The following FAM135B variants were observed in gnomAD, a reference collection of about 807,000 sequenced individuals.
FAM135B encodes the protein protein FAM135B.
In FAM135B, 43 loss-of-function variants were observed where a neutral mutation model predicts 127.7. The ratio of observed to expected loss-of-function variants is 0.34; its 90% confidence interval spans 0.26 to 0.43. FAM135B has a LOEUF of 0.43. Among genes scored for constraint, FAM135B ranks in the 20% least tolerant of loss-of-function variants. The pLI is 1.00. For synonymous variants in FAM135B, 670 were observed against 665.1 expected (o/e 1.01, Z -0.11); for missense variants, 1,558 against 1,725.6 (o/e 0.90, Z 1.72).
intron 1 of FAM135B, among the ~76,000 whole-genome samples, chr8:138,487,030 T>A (rs917249309): frequency 6.6e-6 from 1 of 152,142 alleles, no homozygotes; most frequent in Non-Finnish European, 1.5e-5. Context: ...GTTTGTTACA[T>A]ATGTATACAT....
chr8:138,165,768 C>T (rs535961294), intron 12 of FAM135B, among the ~76,000 whole-genome samples: 127 of 152,164 alleles, frequency 8.3e-4, no homozygotes, highest in African/African-American at 2.5e-3. Context: ...CAGAAGAAAA[C>T]GTCTCAGTGT....
intron 4 of FAM135B, among the ~76,000 whole-genome samples, chr8:138,264,398 T>A (rs1427028893): frequency 6.6e-6 from 1 of 152,100 alleles, no homozygotes; most frequent in Non-Finnish European, 1.5e-5. Context: ...CATCATGAGG[T>A]CTCTTCCACT....
At chr8:138,206,324 TCATCCCCTCCACCTACCCACAACTCCAG>T (rs1817583854) in intron 7 of FAM135B, among the ~76,000 whole-genome samples, 1 of 142,224 alleles carries the variant, frequency 7.0e-6, no homozygotes, top group African/African-American at 2.6e-5. Context: ...CACAGCTCTA[TCATCCCCTCCACCTACCCACAACTCCAG>T]CATCCCCTCC....
At chr8:138,266,734 C>T (rs1822965148) in intron 3 of FAM135B, among the ~76,000 whole-genome samples, 1 of 147,106 alleles carries the variant, frequency 6.8e-6, no homozygotes, top group Non-Finnish European at 1.5e-5. Context: ...AATTACTTCA[C>T]ACATGAACTA....
chr8:138,497,263 G>A (rs1815435181), upstream of FAM135B, among the ~76,000 whole-genome samples: 1 of 150,412 alleles, frequency 6.6e-6, no homozygotes, highest in African/African-American at 2.4e-5. Context: ...TGCGCGACTG[G>A]CTGGCGGCGC....
At chr8:138,183,594 G>A (rs1815279173) in intron 9 of FAM135B, among the ~76,000 whole-genome samples, 1 of 152,164 alleles carries the variant, frequency 6.6e-6, no homozygotes, top group African/African-American at 2.4e-5. Context: ...GGAGACTTCT[G>A]GCATGGGATT....
At chr8:138,437,519 G>A (rs1358213669) in intron 1 of FAM135B, 2 of 152,138 alleles carry the variant, frequency 1.3e-5, no homozygotes, top group Admixed American at 6.5e-5. Context: ...CTTATGTCAT[G>A]ATTGTAAGCT....
intron 1 of FAM135B, among the ~76,000 whole-genome samples, chr8:138,384,462 A>G (rs1832062112): frequency 6.6e-6 from 1 of 152,066 alleles, no homozygotes; most frequent in African/African-American, 2.4e-5. Flanking sequence ...ATTTGTGCAG[A>G]GAGGAAGAGG....
intron 2 of FAM135B, chr8:138,367,511 C>T (rs549302925): frequency 4.0e-4 from 183 of 451,938 alleles, no homozygotes; most frequent in South Asian, 2.9e-3. Flanking sequence ...TGTTACAATA[C>T]GTGGTTTTGA....
At chr8:138,226,184 T>TGTGTGTGTGTGCGCGCGCGCGCGCGCGC in intron 7 of FAM135B, among the ~76,000 whole-genome samples, 2 of 139,202 alleles carry the variant, frequency 1.4e-5, no homozygotes, top group Non-Finnish European at 3.1e-5. Flanking sequence ...TGTGTGTGTG[T>TGTGTGTGTGTGCGCGCGCGCGCGCGCGC]GCGCGCATGT....
intron 1 of FAM135B, among the ~76,000 whole-genome samples, chr8:138,374,237 A>C (rs569464557): frequency 2.6e-5 from 4 of 152,236 alleles, no homozygotes; most frequent in African/African-American, 4.8e-5. Flanking sequence ...AAAAGAACCT[A>C]CGTGACTCTT....
intron 3 of FAM135B, among the ~76,000 whole-genome samples, chr8:138,281,680 G>C (rs1318033677): frequency 6.6e-6 from 1 of 151,954 alleles, no homozygotes; most frequent in African/African-American, 2.4e-5. Context: ...CTCCTTATAA[G>C]GGTCACCTCC....
intron 9 of FAM135B, among the ~76,000 whole-genome samples, chr8:138,184,517 A>C (rs1234660187): frequency 6.6e-6 from 1 of 152,150 alleles, no homozygotes; most frequent in African/African-American, 2.4e-5. Flanking sequence ...AGTGATCCTG[A>C]CATGTGGTGA....
intron 2 of FAM135B, among the ~76,000 whole-genome samples, chr8:138,357,548 A>G (rs1052749134): frequency 6.6e-6 from 1 of 152,150 alleles, no homozygotes; most frequent in African/African-American, 2.4e-5. Context: ...ATGCATATTT[A>G]TGTAATCAGA....
At chr8:138,271,998 A>G (rs2130681716) in intron 3 of FAM135B, among the ~76,000 whole-genome samples, 1 of 151,926 alleles carries the variant, frequency 6.6e-6, no homozygotes, top group African/African-American at 2.4e-5. Flanking sequence ...GATGACTCCA[A>G]ATGTTTTTTT....
At chr8:138,480,084 A>G (rs1587550327) in intron 1 of FAM135B, among the ~76,000 whole-genome samples, 2 of 152,160 alleles carry the variant, frequency 1.3e-5, no homozygotes, top group East Asian at 3.9e-4. Flanking sequence ...AAACACAGCT[A>G]AACAACACGG....
intron 7 of FAM135B, among the ~76,000 whole-genome samples, chr8:138,240,291 G>A (rs12548843): frequency 0.1 from 15,861 of 152,110 alleles, 906 homozygotes; most frequent in African/African-American, 0.12. Flanking sequence ...TGGCTGGGCC[G>A]TGCTCAGATA....
intron 5 of FAM135B, among the ~76,000 whole-genome samples, chr8:138,251,616 T>C (rs1821700100): frequency 6.6e-6 from 1 of 152,218 alleles, no homozygotes; most frequent in Non-Finnish European, 1.5e-5. Flanking sequence ...ACTAGTTTCA[T>C]CAAGGATTCC....
chr8:138,411,291 G>C (rs1242911440), intron 1 of FAM135B, among the ~76,000 whole-genome samples: 1 of 151,942 alleles, frequency 6.6e-6, no homozygotes, highest in Non-Finnish European at 1.5e-5. Context: ...CCGAAACAGA[G>C]ATATAGATCA....
Sources: allele counts gnomAD v4.1 joint callset (sites outside exome capture counted in the v4.1 genomes callset), GRCh38; gene constraint gnomAD v4.1.1; transcripts MANE v1.5; gene names NCBI Gene and HGNC (gene_info 2026-07-23, HGNC 2026-07-21).